Variants in TCF12 observed in about 807,000 individuals in gnomAD.
TCF12 encodes DNA-binding protein HTF4.
TCF12 carries 45 observed loss-of-function variants against 86.0 expected under a neutral mutation model. The ratio of observed to expected loss-of-function variants is 0.52; its 90% CI spans 0.41 to 0.67. The LOEUF is 0.67. TCF12 is among the 30% of genes least tolerant of loss of function. The pLI, the probability that TCF12 is intolerant of heterozygous loss-of-function variation, is 0.00. For synonymous variants in TCF12, 330 were observed against 299.6 expected (o/e 1.10, Z -1.05); for missense variants, 881 against 859.9 (o/e 1.02, Z -0.31).
intron 8 of TCF12, among the ~76,000 whole-genome samples, chr15:57,218,724 G>A (rs1365356957): frequency 6.6e-6 from 1 of 152,102 alleles, no homozygotes; most frequent in Non-Finnish European, 1.5e-5. Flanking sequence ...AAGAATTCAA[G>A]GAGCTTTATA....
rs2054448284 is a variant in TCF12 at position 57,160,761 on chromosome 15, T to G, written c.326-5641T>G. On this transcript the variant is annotated intron_variant, in intron 5 of 20. Transcript: ENST00000333725. ...AGGCTGAAATGCAGTGGCATGATCATAGCTCACTGCGGCCTCAAACTCCCA... is the reference window on the plus strand; with the variant it reads ...AGGCTGAAATGCAGTGGCATGATCAGAGCTCACTGCGGCCTCAAACTCCCA... 2.6e-5 allele frequency among the ~76,000 whole-genome samples: 4 copies of G among 152,258 alleles called. No individual in the cohort carries two copies. The South Asian group carries it at 8.3e-4, about 32-fold the overall frequency.
chr15:57,184,604 G>A (rs1158444018), intron 6 of TCF12, among the ~76,000 whole-genome samples: 11 of 152,054 alleles, frequency 7.2e-5, no homozygotes, highest in Non-Finnish European at 1.5e-4. Context: ...AAATCCTGTT[G>A]AAATACCAAT....
In TCF12 at chr15:57,289,763, A is replaced by G. The variant is rs1158339689; in HGVS notation, c.*3618A>G. 2 of 152,196 alleles carry G rather than the reference A, an allele frequency of 1.3e-5. No individual in the cohort carries two copies. The highest frequency in any genetic ancestry group is 2.9e-5 in the Non-Finnish European group (2 of 68,022). The allele number at this position is 152,196 out of a possible 1,614,324, so 9.4% of individuals were successfully genotyped here. ...ATTAGAATTGTGTAAGTATTGAATG[A>G]AACAATGTATGGAAAGCTCTTATGG... On this transcript the variant is annotated 3_prime_UTR_variant, in exon 21 of 21. Coordinates refer to ENST00000333725, the MANE Select transcript of TCF12 (RefSeq NM_207037.2).
chr15:56,940,149 A>G (rs1476275391), intron 3 of TCF12, among the ~76,000 whole-genome samples: 1 of 151,820 alleles, frequency 6.6e-6, no homozygotes, highest in African/African-American at 2.4e-5. Flanking sequence ...TTTTTCTAAA[A>G]CGACCTTGAT....
intron 6 of TCF12, among the ~76,000 whole-genome samples, chr15:57,170,681 T>TA (rs1567558007): frequency 0.021 from 37 of 1,740 alleles, 1 homozygote; most frequent in South Asian, 0.1. Flanking sequence ...ATATAATATA[T>TA]TATATATAAT....
chr15:56,960,452 TG>T (rs1275983589), intron 3 of TCF12, among the ~76,000 whole-genome samples: 1 of 144,722 alleles, frequency 6.9e-6, no homozygotes, highest in Non-Finnish European at 1.5e-5. Flanking sequence ...TTTTTTGAGA[TG>T]GAGTCTCACT....
intron 6 of TCF12, among the ~76,000 whole-genome samples, chr15:57,185,163 T>C (rs756979769): frequency 6.6e-6 from 1 of 152,224 alleles, no homozygotes; most frequent in Non-Finnish European, 1.5e-5. Flanking sequence ...AGGGAATGTA[T>C]CAGCTTTATC....
chr15:57,201,334 G>T (rs1249602176), intron 8 of TCF12, among the ~76,000 whole-genome samples: 3 of 152,138 alleles, frequency 2.0e-5, no homozygotes, highest in African/African-American at 7.2e-5. Context: ...GTGACATAGG[G>T]TAGGTAGAAC....
chr15:57,165,096 G>A (rs2054779783), intron 5 of TCF12, among the ~76,000 whole-genome samples: 1 of 151,204 alleles, frequency 6.6e-6, no homozygotes, highest in Non-Finnish European at 1.5e-5. Flanking sequence ...TAATCTACCA[G>A]TTTCCCTTCT....
chr15:56,946,435 T>C lies in TCF12; in HGVS notation c.148+25337T>C, dbSNP rs184456827. On this transcript the variant is annotated intron_variant, in intron 3 of 20. Transcript: ENST00000333725. ...TATTTTTTTATTTCTAGAAACTCTT[T>C]TGTTTTTAGATTGTCTTGCATTTCT... is the stretch of plus-strand genomic sequence containing the variant. 1.6e-3 allele frequency among the ~76,000 whole-genome samples: 242 copies of C among 152,288 alleles called. 1 individual carries two copies. Among genetic ancestry groups the C allele is most frequent in the Middle Eastern group, 3.4e-3 (1 of 294 alleles).
chr15:56,927,271 G>T (rs898762423), intron 3 of TCF12, among the ~76,000 whole-genome samples: 1 of 152,236 alleles, frequency 6.6e-6, no homozygotes, highest in African/African-American at 2.4e-5. Flanking sequence ...AAAGAAGACC[G>T]TCTTTTTTCT....
chr15:57,025,589 A>T (rs2065780016), intron 3 of TCF12, among the ~76,000 whole-genome samples: 1 of 152,144 alleles, frequency 6.6e-6, no homozygotes, highest in African/African-American at 2.4e-5. Context: ...AAGTGAAGAG[A>T]AAGAGAAGAT....
At chr15:57,219,592 T>C (rs1405570426) in intron 8 of TCF12, 18 of 1,612,496 alleles carry the variant, frequency 1.1e-5, no homozygotes, top group Admixed American at 1.7e-5. Flanking sequence ...GGGAAAACGG[T>C]AAGCCTTTTT....
chr15:57,266,034 A>T (rs2060849393), intron 18 of TCF12, among the ~76,000 whole-genome samples: 1 of 152,088 alleles, frequency 6.6e-6, no homozygotes. Flanking sequence ...AAACAAGCAA[A>T]TTATGGCCCA....
In TCF12 at chr15:57,130,348, T is replaced by G. The variant is rs191679850; in HGVS notation, c.326-36054T>G. ...ACATATATTATTGACCATTTTGATTTTTTTTTTGTGGATTTTAGAGAGGCA... is the reference window on the plus strand; with the variant it reads ...ACATATATTATTGACCATTTTGATTGTTTTTTTGTGGATTTTAGAGAGGCA... On this transcript the variant is annotated intron_variant, in intron 5 of 20. Transcript: ENST00000333725. 3.9e-5 allele frequency among the ~76,000 whole-genome samples: 6 copies of G among 152,344 alleles called. No homozygotes were observed. In the East Asian group the frequency reaches 9.6e-4, roughly 24 times the overall value.
intron 8 of TCF12, among the ~76,000 whole-genome samples, chr15:57,214,565 A>G (rs2058254955): frequency 1.3e-5 from 2 of 152,174 alleles, no homozygotes; most frequent in African/African-American, 2.4e-5. Flanking sequence ...CTCAATTTAG[A>G]CTTGAGATAT....
intron 18 of TCF12, among the ~76,000 whole-genome samples, chr15:57,265,650 G>C (rs962862925): frequency 6.6e-6 from 1 of 152,148 alleles, no homozygotes. Flanking sequence ...GAAATGTACT[G>C]TAGGGACTTA....
At chr15:57,241,807 A>G (rs1279820723) in intron 12 of TCF12, among the ~76,000 whole-genome samples, 1 of 152,106 alleles carries the variant, frequency 6.6e-6, no homozygotes, top group South Asian at 2.1e-4. Flanking sequence ...AGCCTGTCCA[A>G]CATAGCGAAA....
chr15:57,289,852 A>G lies in TCF12; in HGVS notation c.*3707A>G, dbSNP rs1394473346. 1 of 152,152 alleles carries G rather than the reference A, an allele frequency of 6.6e-6. No individual in the cohort carries two copies. The highest frequency in any genetic ancestry group is 1.5e-5 in the Non-Finnish European group (1 of 68,028). 9.4% of individuals were successfully genotyped at this position (152,152 alleles called of 1,614,324 possible). On this transcript the variant is annotated 3_prime_UTR_variant, in exon 21 of 21. Coordinates refer to ENST00000333725, the MANE Select transcript of TCF12 (RefSeq NM_207037.2). ...TTTTTAAATAAATAATATTATAACC[A>G]ACTCCCAGGATGATTCCTCTTCAGC...
Sources: allele counts gnomAD v4.1 joint callset (sites outside exome capture counted in the v4.1 genomes callset), GRCh38; gene constraint gnomAD v4.1.1; transcripts MANE v1.5; gene names NCBI Gene and HGNC (gene_info 2026-07-23, HGNC 2026-07-21).